TTC7B: variants seen among roughly 807,000 people sequenced by gnomAD.
TTC7B encodes tetratricopeptide repeat protein 7B.
TTC7B carries 28 observed loss-of-function variants against 106.8 expected under a neutral mutation model. That is an observed-to-expected ratio of 0.26 (90% confidence interval 0.19 to 0.36). The LOEUF is 0.36. Ranked by LOEUF, TTC7B falls within the 10% of genes least tolerant of loss-of-function variation. The pLI is 1.00. For missense variants in TTC7B, 862 were observed against 1,076.4 expected (o/e 0.80, Z 2.79); for synonymous variants, 405 against 430.6 (o/e 0.94, Z 0.74).
chr14:90,788,499 A>T (rs1311226208), intron 1 of TTC7B, among the ~76,000 whole-genome samples: 1 of 152,240 alleles, frequency 6.6e-6, no homozygotes, highest in Non-Finnish European at 1.5e-5. Context: ...AAAAACAATC[A>T]TATATCCGAA....
intron 5 of TTC7B, among the ~76,000 whole-genome samples, chr14:90,720,950 G>T (rs1192737060): frequency 6.6e-6 from 1 of 151,984 alleles, no homozygotes; most frequent in Non-Finnish European, 1.5e-5. Context: ...AAACAAACAA[G>T]CACGGAATCT....
chr14:90,747,345 G>A (rs1889999623), intron 3 of TTC7B, among the ~76,000 whole-genome samples: 1 of 152,172 alleles, frequency 6.6e-6, no homozygotes. Context: ...CCTGAATTCT[G>A]CCCTATGTGC....
At chr14:90,732,976 A>G (rs542152711) in intron 4 of TTC7B, among the ~76,000 whole-genome samples, 1 of 152,136 alleles carries the variant, frequency 6.6e-6, no homozygotes, top group East Asian at 1.9e-4. Context: ...TACATTTGCC[A>G]TTGTTATTTC....
intron 5 of TTC7B, among the ~76,000 whole-genome samples, chr14:90,727,300 G>A (rs1446031908): frequency 3.3e-5 from 5 of 152,112 alleles, no homozygotes; most frequent in Admixed American, 2.6e-4. Context: ...CATCCACACC[G>A]AGCCACAGCG....
chr14:90,702,624 T>C (rs760103210), intron 5 of TTC7B, among the ~76,000 whole-genome samples: 20 of 152,190 alleles, frequency 1.3e-4, no homozygotes, highest in Non-Finnish European at 2.6e-4. Context: ...CATTTAATTT[T>C]GAAGGAAAAA....
intron 9 of TTC7B, among the ~76,000 whole-genome samples, chr14:90,666,211 G>T (rs1263486471): frequency 2.0e-5 from 3 of 152,204 alleles, no homozygotes; most frequent in Non-Finnish European, 4.4e-5. Flanking sequence ...GCCTAGGCTG[G>T]AGTGCAATGG....
rs2030326188 is a variant in TTC7B, at chr14:90,802,358, A to G, written c.121+13817T>C. On this transcript the variant is annotated intron_variant, in intron 1 of 19. Coordinates refer to ENST00000328459, the MANE Select transcript of TTC7B (RefSeq NM_001010854.2). The surrounding 1 kb of genome is among the most constrained non-coding windows in gnomAD (Gnocchi z 4.7). ...TGCAGAAGGGAAGGGTCAGGAGAGA[A>G]GTGAAGGCTGTGGCAGCCCGGTCCT... Among the ~76,000 whole-genome samples the G allele has an allele frequency of 1.3e-5, 2 of 152,078 alleles. No homozygotes were observed. The highest frequency in any genetic ancestry group is 1.3e-4 in the Admixed American group (2 of 15,254).
intron 7 of TTC7B, among the ~76,000 whole-genome samples, chr14:90,687,311 T>A (rs1042435940): frequency 6.6e-6 from 1 of 152,264 alleles, no homozygotes; most frequent in African/African-American, 2.4e-5. Flanking sequence ...CTTTAATGAC[T>A]GCATTTTCTG....
At chr14:90,810,544 A>G (rs1407773114) in intron 1 of TTC7B, among the ~76,000 whole-genome samples, 1 of 152,230 alleles carries the variant, frequency 6.6e-6, no homozygotes, top group African/African-American at 2.4e-5. Flanking sequence ...GACTACATCA[A>G]TGGGTTTCAA....
In TTC7B at chr14:90,742,635, T is replaced by C. The variant is rs1889814105; in HGVS notation, c.576+2157A>G. Among the ~76,000 whole-genome samples the C allele has an allele frequency of 6.6e-6, 1 of 152,234 alleles. No individual in the cohort carries two copies. The highest frequency in any genetic ancestry group is 1.5e-5 in the Non-Finnish European group (1 of 68,038). On this transcript the variant is annotated intron_variant, in intron 4 of 19. Transcript: ENST00000328459. This position sits in a 1 kb window ranked among gnomAD's most constrained non-coding sequence, Gnocchi z 4.1. ...GTTTTGGCCTAACTTTCTGTGTGCC[T>C]GGGCTCTCCCTTTCTAGACCTCAAG...
chr14:90,798,732 A>AAAAAC (rs869302614), intron 1 of TTC7B, among the ~76,000 whole-genome samples: 1,762 of 146,370 alleles, frequency 0.012, 52 homozygotes, highest in Middle Eastern at 0.037. Flanking sequence ...AAAAAAAAAA[A>AAAAAC]CACGCAATAA....
intron 5 of TTC7B, among the ~76,000 whole-genome samples, chr14:90,699,534 A>T (rs1887901316): frequency 1.3e-5 from 2 of 152,158 alleles, no homozygotes; most frequent in African/African-American, 2.4e-5. Context: ...TGGAAACTCA[A>T]AGTAGTAGTG....
chr14:90,587,406 C>G (rs1246712020), intron 18 of TTC7B, among the ~76,000 whole-genome samples: 1 of 152,216 alleles, frequency 6.6e-6, no homozygotes, highest in African/African-American at 2.4e-5. Flanking sequence ...ACTGCTTACT[C>G]CTCAGGGTTC....
chr14:90,662,690 AT>A (rs1886256943), intron 9 of TTC7B, among the ~76,000 whole-genome samples: 1 of 152,240 alleles, frequency 6.6e-6, no homozygotes, highest in African/African-American at 2.4e-5. Context: ...ACAGTAATTA[AT>A]GCAGAGAGTT....
intron 3 of TTC7B, among the ~76,000 whole-genome samples, chr14:90,758,399 G>A (rs946719526): frequency 2.6e-4 from 34 of 129,166 alleles, no homozygotes; most frequent in Non-Finnish European, 4.6e-4. Flanking sequence ...CAAGAGAGTG[G>A]GGCGGGGCGG....
chr14:90,604,910 A>G (rs1306902497), intron 17 of TTC7B, among the ~76,000 whole-genome samples: 1 of 152,226 alleles, frequency 6.6e-6, no homozygotes, highest in African/African-American at 2.4e-5. Flanking sequence ...ATTTCTCTGC[A>G]TAGTTTCACG....
At chr14:90,646,324 A>AG (rs777151670) in intron 14 of TTC7B, among the ~76,000 whole-genome samples, 10 of 152,160 alleles carry the variant, frequency 6.6e-5, no homozygotes, top group Non-Finnish European at 1.2e-4. Flanking sequence ...AACAGCTGGG[A>AG]GGGGATAGGA....
rs529057373 is a variant in TTC7B at position 90,740,872 on chromosome 14, C to T, written c.576+3920G>A. Among the ~76,000 whole-genome samples, 19 of 152,144 alleles carry T rather than the reference C, an allele frequency of 1.2e-4. No individual in the cohort carries two copies. In the East Asian group the frequency reaches 2.1e-3, roughly 17 times the overall value. Reference sequence around the variant, plus strand: ...TTTAACCTAAATATCTGAAATTGTCCGAGGTTAGGAAAGATTCCACAGCCA... The same window carrying T: ...TTTAACCTAAATATCTGAAATTGTCTGAGGTTAGGAAAGATTCCACAGCCA... On this transcript the variant is annotated intron_variant, in intron 4 of 19. Transcript: ENST00000328459.
At chr14:90,788,092 G>A (rs1240308786) in intron 1 of TTC7B, among the ~76,000 whole-genome samples, 8 of 151,904 alleles carry the variant, frequency 5.3e-5, no homozygotes, top group Non-Finnish European at 1.0e-4. Context: ...TTGAACCCAG[G>A]AGTGGAAGTT....
Sources: allele counts gnomAD v4.1 joint callset (sites outside exome capture counted in the v4.1 genomes callset), GRCh38; gene constraint gnomAD v4.1.1; non-coding constraint Gnocchi (gnomAD v3.1); transcripts MANE v1.5; gene names NCBI Gene and HGNC (gene_info 2026-07-23, HGNC 2026-07-21).